Variants in LRRC36 observed in about 807,000 individuals in gnomAD.
The protein encoded by LRRC36 is leucine rich repeat containing 36.
In LRRC36, 62 loss-of-function variants were observed where a neutral mutation model predicts 81.1. That is an observed-to-expected ratio of 0.76 (90% CI 0.62 to 0.94). The LOEUF is 0.94. LRRC36 is among the 40% of genes least tolerant of loss of function. LRRC36 has a pLI of 0.00. For synonymous variants in LRRC36, 334 were observed against 348.6 expected (o/e 0.96, Z 0.47); for missense variants, 761 against 881.7 (o/e 0.86, Z 1.73).
At chr16:67,332,727 G>A (rs956963451) in intron 1 of LRRC36, among the ~76,000 whole-genome samples, 2 of 152,078 alleles carry the variant, frequency 1.3e-5, no homozygotes, top group African/African-American at 2.4e-5. Flanking sequence ...AGACTGCAGT[G>A]AAAGGCATGA....
intron 9 of LRRC36, among the ~76,000 whole-genome samples, chr16:67,374,724 A>G (rs1272902940): frequency 6.6e-6 from 1 of 152,078 alleles, no homozygotes; most frequent in Admixed American, 6.6e-5. Context: ...ATTATGATAC[A>G]AGATACTGTT....
At chr16:67,361,908 A>C (rs2039163501) in intron 5 of LRRC36, among the ~76,000 whole-genome samples, 2 of 152,056 alleles carry the variant, frequency 1.3e-5, no homozygotes, top group Admixed American at 1.3e-4. Context: ...TATTTCCTTT[A>C]CTTTTAAAAA....
intron 7 of LRRC36, among the ~76,000 whole-genome samples, chr16:67,366,175 C>A (rs2039376045): frequency 6.6e-6 from 1 of 151,444 alleles, no homozygotes; most frequent in Admixed American, 6.6e-5. Context: ...ATTTTTGAGA[C>A]AAGTTCTCAA....
At chr16:67,353,319 C>CTACA in intron 5 of LRRC36, among the ~76,000 whole-genome samples, 1 of 152,216 alleles carries the variant, frequency 6.6e-6, no homozygotes, top group East Asian at 1.9e-4. Flanking sequence ...TGTTCATGCC[C>CTACA]TGTAGTATGA....
Position 67,367,108 on chromosome 16 carries a change from G to A in LRRC36, c.846G>A (p.Lys282=). The change falls in exon 8 of 14, where the codon AAG becomes AAA. Residue 282 remains lysine, a synonymous_variant. Transcript: ENST00000329956. ...ACCAAGTATCTTTTTTGGACAATAA[G>A]TCTTCAGGTTCTTCTCCAGAAAAGG... ...EGYQVSFLDN[K]SSGSSPEKEL... is the part of the protein sequence containing the mutation. 1 of 1,614,114 alleles carries A rather than the reference G, an allele frequency of 6.2e-7. No homozygotes were observed. Among genetic ancestry groups the A allele is most frequent in the Non-Finnish European group, 8.5e-7 (1 of 1,179,986 alleles).
chr16:67,327,594 C>G (rs183882797), intron 1 of LRRC36, among the ~76,000 whole-genome samples: 1 of 152,216 alleles, frequency 6.6e-6, no homozygotes, highest in East Asian at 1.9e-4. Flanking sequence ...GTCTGGACCT[C>G]AGAGGAGAGG....
chr16:67,367,033 G>T lies in LRRC36; in HGVS notation c.771G>T (p.Ser257=), dbSNP rs368769349. 1 of 1,608,518 alleles carries T rather than the reference G, an allele frequency of 6.2e-7. No homozygotes were observed. Among genetic ancestry groups the T allele is most frequent in the Non-Finnish European group, 8.5e-7 (1 of 1,177,724 alleles). Residue 257 remains serine (S), a synonymous_variant, in exon 8 of 14, where the codon TCG becomes TCT. Coordinates refer to ENST00000329956, the MANE Select transcript of LRRC36 (RefSeq NM_018296.6). The part of the protein sequence containing the change: ...NHQEDEFRHY[S]PRQSTVRSPE... ...GGTGTTTAGAGTTCAGACACTACTC[G>T]CCTCGTCAGTCCACAGTCCGATCCC...
chr16:67,365,465 A>C, intron 7 of LRRC36, 110 bp downstream of exon 7: 2 of 901,210 alleles, frequency 2.2e-6, no homozygotes, highest in Non-Finnish European at 3.4e-6. Context: ...TATTTAGTCA[A>C]CTAATTTCTG....
rs71145966 is a variant in LRRC36 at position 67,331,069 on chromosome 16, AAGAGAGAGAG to A, written c.70+4173_70+4182del. Among the ~76,000 whole-genome samples, 1,048 of 118,630 alleles carry A rather than the reference AAGAGAGAGAG, an allele frequency of 8.8e-3. 3 individuals carry two copies. The highest frequency in any genetic ancestry group is 0.015 in the South Asian group (51 of 3,436). 77.8% of individuals were successfully genotyped at this position (118,630 alleles called of 152,430 possible). On this transcript the variant is annotated intron_variant, in intron 1 of 13. Coordinates refer to ENST00000329956, the MANE Select transcript of LRRC36 (RefSeq NM_018296.6). ...GTGCATGTGTGAGATGTGAGAGAGA[AAGAGAGAGAG>A]AGAGAGAGAGAGAGAGAGAGAGAGA...
chr16:67,342,115 C>T (rs1362729276), intron 2 of LRRC36, 31 bp downstream of exon 2: 1 of 1,476,384 alleles, frequency 6.8e-7, no homozygotes, highest in Admixed American at 2.0e-5. Flanking sequence ...CCAGCCAGGT[C>T]TGCCCAATTT....
intron 2 of LRRC36, among the ~76,000 whole-genome samples, chr16:67,342,487 T>C (rs961330399): frequency 3.3e-5 from 5 of 152,142 alleles, no homozygotes; most frequent in African/African-American, 1.2e-4. Context: ...ACATGGAGCA[T>C]ACATGGAGAA....
chr16:67,376,185 G>A (rs2039885242), intron 10 of LRRC36, among the ~76,000 whole-genome samples: 2 of 152,066 alleles, frequency 1.3e-5, no homozygotes, highest in Non-Finnish European at 2.9e-5. Flanking sequence ...GTGTGCGCCT[G>A]TAATCCCAGC....
intron 11 of LRRC36, among the ~76,000 whole-genome samples, chr16:67,378,100 G>T (rs1285077588): frequency 6.6e-6 from 1 of 152,060 alleles, no homozygotes; most frequent in Non-Finnish European, 1.5e-5. Context: ...TAATAAATTT[G>T]TTTACTGCTT....
rs577046892 is a variant in LRRC36 at position 67,327,470 on chromosome 16, G to A, written c.70+538G>A. Among the ~76,000 whole-genome samples the A allele has an allele frequency of 9.9e-5, 15 of 152,226 alleles. No individual in the cohort carries two copies. The East Asian group carries it at 2.9e-3, about 29-fold the overall frequency. On this transcript the variant is annotated intron_variant, in intron 1 of 13. Coordinates refer to ENST00000329956, the MANE Select transcript of LRRC36 (RefSeq NM_018296.6). ...ATCGCACCACTGCACTGCAGCCTGG[G>A]CGACAGAGCGAGACTCCATCTCAAA...
At chr16:67,327,192 A>C in intron 1 of LRRC36, 56 of 365,938 alleles carry the variant, frequency 1.5e-4, no homozygotes, top group East Asian at 3.8e-4. Context: ...GGGAAGGAGA[A>C]ACAAGGTTAA....
At chr16:67,362,099 A>C (rs2039175064) in intron 5 of LRRC36, 1 of 353,748 alleles carries the variant, frequency 2.8e-6, no homozygotes, top group Non-Finnish European at 5.6e-6. Flanking sequence ...AAATTAAAAA[A>C]AACAAAAACA....
chr16:67,366,964 A>C, intron 7 of LRRC36, 53 bp from the exon 8 acceptor site: 1 of 1,410,738 alleles, frequency 7.1e-7, no homozygotes, highest in Non-Finnish European at 9.7e-7. Flanking sequence ...ACTCCCAGCT[A>C]GGCCACAAAG....
chr16:67,326,891 A>T lies in LRRC36; in HGVS notation c.29A>T (p.Glu10Val). The part of the protein sequence containing the change: MAEQWELDE[E>V]GIRRLGALTL... Reference sequence around the variant, plus strand: ...GCGGAGCAATGGGAGCTGGACGAGGAAGGCATTCGCCGCCTGGGGGCGCTG... The same window carrying T: ...GCGGAGCAATGGGAGCTGGACGAGGTAGGCATTCGCCGCCTGGGGGCGCTG... Residue 10 changes from glutamate to valine, a missense_variant, in exon 1 of 14, where the codon GAA (glutamate) becomes GTA (valine). This residue lies in a region of LRRC36 where 263 missense variants were observed against 279.3 expected (regional missense o/e 0.94). Transcript: ENST00000329956. The T allele has an allele frequency of 6.8e-7, 1 of 1,466,494 alleles. No individual in the cohort carries two copies. Among genetic ancestry groups the T allele is most frequent in the South Asian group, 1.4e-5 (1 of 69,944 alleles). 90.8% of individuals were successfully genotyped at this position (1,466,494 alleles called of 1,614,324 possible).
chr16:67,353,661 A>G (rs1292007968), intron 5 of LRRC36, among the ~76,000 whole-genome samples: 1 of 152,184 alleles, frequency 6.6e-6, no homozygotes, highest in Non-Finnish European at 1.5e-5. Flanking sequence ...TGCTGGGATT[A>G]TAGCACGTCC....
Sources: gnomAD v4.1 joint callset for allele counts (sites outside exome capture counted in the v4.1 genomes callset) on GRCh38, gnomAD v4.1.1 for gene constraint, gnomAD v4.1.1 regional missense constraint, MANE v1.5 for transcripts, NCBI Gene and HGNC (gene_info 2026-07-23, HGNC 2026-07-21) for gene names.